The following CDKAL1 variants were observed in gnomAD, a reference collection of about 807,000 sequenced individuals.
The protein encoded by CDKAL1 is threonylcarbamoyladenosine tRNA methylthiotransferase.
Under a neutral mutation model 68.2 loss-of-function variants are expected in CDKAL1, and 32 were observed. That is an observed-to-expected ratio of 0.47 (90% CI 0.35 to 0.63). The LOEUF is 0.63. Ranked by LOEUF, CDKAL1 falls within the 30% of genes least tolerant of loss-of-function variation. The pLI is 0.00. For missense variants in CDKAL1, 606 were observed against 696.7 expected (o/e 0.87, Z 1.47); for synonymous variants, 234 against 244.3 (o/e 0.96, Z 0.39).
chr6:20,686,381 C>T (rs1770624278), intron 5 of CDKAL1, among the ~76,000 whole-genome samples: 1 of 152,064 alleles, frequency 6.6e-6, no homozygotes, highest in African/African-American at 2.4e-5. Context: ...CGCCTCCTGT[C>T]AGATCAGGGG....
chr6:20,887,377 A>C (rs1276442788), intron 9 of CDKAL1, among the ~76,000 whole-genome samples: 2 of 152,212 alleles, frequency 1.3e-5, no homozygotes, highest in Admixed American at 6.5e-5. Flanking sequence ...GCATGTTTAT[A>C]GCTATTTTAG....
At chr6:20,812,300 G>A (rs1295757853) in intron 8 of CDKAL1, among the ~76,000 whole-genome samples, 1 of 152,036 alleles carries the variant, frequency 6.6e-6, no homozygotes, top group Non-Finnish European at 1.5e-5. Flanking sequence ...TATGCACTTG[G>A]GGGATTTTCT....
chr6:20,868,063 CAAAT>C (rs997606593), intron 9 of CDKAL1, among the ~76,000 whole-genome samples: 3 of 8,416 alleles, frequency 3.6e-4, no homozygotes, highest in African/African-American at 5.2e-4. Context: ...GTATAATAAA[CAAAT>C]CTTATATTGC....
intron 13 of CDKAL1, among the ~76,000 whole-genome samples, chr6:21,108,970 T>C (rs1275530771): frequency 6.6e-6 from 1 of 152,226 alleles, no homozygotes; most frequent in Non-Finnish European, 1.5e-5. Flanking sequence ...ACGACCCACA[T>C]GTACCCATCC....
intron 5 of CDKAL1, among the ~76,000 whole-genome samples, chr6:20,657,308 T>G (rs1176797298): frequency 2.6e-5 from 4 of 152,224 alleles, no homozygotes; most frequent in African/African-American, 9.6e-5. Context: ...CCTGATAAGA[T>G]GTTGCTTCTC....
intron 8 of CDKAL1, among the ~76,000 whole-genome samples, chr6:20,820,686 T>C (rs1777241539): frequency 6.6e-6 from 1 of 152,182 alleles, no homozygotes; most frequent in South Asian, 2.1e-4. Flanking sequence ...TTTTGCTGTG[T>C]GACCTTGAGA....
chr6:21,011,152 G>A (rs572621554), intron 11 of CDKAL1, among the ~76,000 whole-genome samples: 5 of 151,556 alleles, frequency 3.3e-5, no homozygotes, highest in Non-Finnish European at 4.4e-5. Context: ...GCCAAGGCGG[G>A]TGGATCACAA....
chr6:21,147,984 C>T (rs1233780975), intron 13 of CDKAL1, among the ~76,000 whole-genome samples: 2 of 152,116 alleles, frequency 1.3e-5, no homozygotes, highest in East Asian at 1.9e-4. Flanking sequence ...GTTCTAATTA[C>T]GGGGATGGAT....
intron 9 of CDKAL1, among the ~76,000 whole-genome samples, chr6:20,908,134 C>T (rs1256621349): frequency 6.6e-6 from 1 of 152,204 alleles, no homozygotes; most frequent in African/African-American, 2.4e-5. Context: ...GGGCACAGAA[C>T]AAACTACCGC....
intron 10 of CDKAL1, among the ~76,000 whole-genome samples, chr6:20,955,827 G>T (rs763636750): frequency 1.3e-5 from 2 of 152,072 alleles, no homozygotes; most frequent in Non-Finnish European, 2.9e-5. Context: ...CCTTGCCACA[G>T]TTCTTTGTTT....
chr6:20,704,359 C>A (rs1771505754), intron 5 of CDKAL1, among the ~76,000 whole-genome samples: 2 of 151,954 alleles, frequency 1.3e-5, no homozygotes, highest in Admixed American at 1.3e-4. Context: ...GTAGCGTAGT[C>A]AAGGAAGACT....
intron 8 of CDKAL1, among the ~76,000 whole-genome samples, chr6:20,810,557 A>G (rs921075507): frequency 2.7e-5 from 4 of 150,466 alleles, no homozygotes; most frequent in African/African-American, 9.8e-5. Flanking sequence ...TGATCATTCC[A>G]CTGCAGTCTA....
At chr6:20,599,641 T>C (rs1176142305) in intron 4 of CDKAL1, among the ~76,000 whole-genome samples, 1 of 152,198 alleles carries the variant, frequency 6.6e-6, no homozygotes, top group Non-Finnish European at 1.5e-5. Flanking sequence ...TTACAGTGTA[T>C]ACCAAATAAA....
chr6:21,064,908 G>A, intron 11 of CDKAL1, 140 bp from the exon 12 acceptor site: 1 of 475,538 alleles, frequency 2.1e-6, no homozygotes, highest in Admixed American at 4.4e-5. Flanking sequence ...TGGTATTTAG[G>A]ACTCTTTGAA....
chr6:21,206,627 A>G (rs1450031722), intron 15 of CDKAL1, among the ~76,000 whole-genome samples: 1 of 152,176 alleles, frequency 6.6e-6, no homozygotes, highest in Non-Finnish European at 1.5e-5. Flanking sequence ...AGTAGTAAAA[A>G]TTGCTTTAAA....
At chr6:21,166,530 C>T (rs1777161909) in intron 13 of CDKAL1, among the ~76,000 whole-genome samples, 1 of 152,104 alleles carries the variant, frequency 6.6e-6, no homozygotes. Flanking sequence ...GCAGCAGCTT[C>T]GTTAAAGGCT....
At chr6:21,152,695 G>A (rs1207396737) in intron 13 of CDKAL1, among the ~76,000 whole-genome samples, 1 of 152,202 alleles carries the variant, frequency 6.6e-6, no homozygotes. Context: ...ATATGTAACT[G>A]TAATATCCTC....
intron 5 of CDKAL1, among the ~76,000 whole-genome samples, chr6:20,683,780 A>G (rs1373540156): frequency 1.3e-5 from 2 of 152,244 alleles, no homozygotes; most frequent in Admixed American, 1.3e-4. Flanking sequence ...GGTATTTTCT[A>G]TGGATTTTGA....
chr6:21,003,965 C>G (rs961841402), intron 11 of CDKAL1, among the ~76,000 whole-genome samples: 1 of 152,232 alleles, frequency 6.6e-6, no homozygotes, highest in South Asian at 2.1e-4. Flanking sequence ...CCCCTGAAGT[C>G]TTTGAAGCCT....
Sources: allele counts gnomAD v4.1 joint callset (sites outside exome capture counted in the v4.1 genomes callset), GRCh38; gene constraint gnomAD v4.1.1; transcripts MANE v1.5; gene names NCBI Gene and HGNC (gene_info 2026-07-23, HGNC 2026-07-21).